The following BPIFA3 variants were observed in gnomAD, a reference collection of about 807,000 sequenced individuals.
BPIFA3 encodes BPI fold-containing family A member 3.
BPIFA3 carries 32 observed loss-of-function variants against 29.7 expected under a neutral mutation model. The observed-to-expected ratio is 1.08, with a 90% CI of 0.81 to 1.45. The LOEUF (loss-of-function observed/expected upper bound fraction) is 1.45, where lower values mean the gene tolerates loss of function less well. Ranked by LOEUF, BPIFA3 falls within the 40% of genes most tolerant of loss-of-function variation. BPIFA3 has a pLI of 0.00. For synonymous variants in BPIFA3, 112 were observed against 113.7 expected (o/e 0.98, Z 0.10); for missense variants, 323 against 311.3 (o/e 1.04, Z -0.28).
intron 4 of BPIFA3, 160 bp from the exon 5 acceptor site, chr20:33,226,246 G>A: frequency 4.8e-6 from 3 of 623,892 alleles, no homozygotes; most frequent in Non-Finnish European, 8.4e-6. Context: ...CCTTGGGCAA[G>A]GTCTGAGCTA....
intron 4 of BPIFA3, chr20:33,226,063 A>G (rs1985765281): frequency 4.6e-6 from 1 of 216,034 alleles, no homozygotes; most frequent in South Asian, 8.6e-5. Context: ...TAATTCCGGA[A>G]TGCTGAAAGC....
intron 6 of BPIFA3, 58 bp downstream of exon 6, chr20:33,227,051 G>A (rs1441825425): frequency 6.5e-7 from 1 of 1,526,986 alleles, no homozygotes; most frequent in South Asian, 1.1e-5. Flanking sequence ...GCTGAAAGAG[G>A]TACCCCCGGC....
In BPIFA3 at chr20:33,217,437, T is replaced by C; in HGVS notation, c.-100T>C. ...TGGGGGCTAATTCTGATGTCATCTT[T>C]CTGCAGAAAACCATTAGACCATCCC... On this transcript the variant is annotated 5_prime_UTR_variant, in exon 1 of 7. Coordinates refer to ENST00000375454, the MANE Select transcript of BPIFA3 (RefSeq NM_178466.5). 1 of 1,439,006 alleles carries C rather than the reference T, an allele frequency of 6.9e-7. No homozygotes were observed. Among genetic ancestry groups the C allele is most frequent in the East Asian group, 2.4e-5 (1 of 41,356 alleles). The allele number at this position is 1,439,006 out of a possible 1,614,324, so 89.1% of individuals were successfully genotyped here.
chr20:33,218,420 G>A (rs987590913), intron 1 of BPIFA3, among the ~76,000 whole-genome samples: 9 of 152,302 alleles, frequency 5.9e-5, no homozygotes, highest in Admixed American at 1.3e-4. Flanking sequence ...CAGCACTGCC[G>A]AGTACTGAGC....
intron 5 of BPIFA3, 133 bp downstream of exon 5, chr20:33,226,623 G>A (rs1032437329): frequency 5.3e-6 from 4 of 749,792 alleles, no homozygotes; most frequent in South Asian, 1.9e-5. Flanking sequence ...TAAAATTTCA[G>A]TTTGGCCATG....
intron 2 of BPIFA3, 118 bp downstream of exon 2, chr20:33,224,079 T>G: frequency 7.6e-7 from 1 of 1,321,418 alleles, no homozygotes; most frequent in South Asian, 1.4e-5. Context: ...GGTAGGAAGA[T>G]TGAAAGAAGA....
intron 1 of BPIFA3, among the ~76,000 whole-genome samples, chr20:33,218,516 G>A (rs1040016126): frequency 6.6e-6 from 1 of 152,192 alleles, no homozygotes; most frequent in South Asian, 2.1e-4. Flanking sequence ...AGTTCTGGAG[G>A]CTGGAAGTCC....
Position 33,227,660 on chromosome 20 carries a change from GTC to G in BPIFA3, c.*46_*47del, listed in dbSNP as rs781194018. 27 of 1,552,814 alleles carry G rather than the reference GTC, an allele frequency of 1.7e-5. No individual in the cohort carries two copies. The highest frequency in any genetic ancestry group is 8.9e-6 in the Non-Finnish European group (10 of 1,125,060). ...GAAAGTCCACATCTTGCAACCTTAAGTCTCCCTTAGAGTGGGGCTTCTGCTAC... is the reference window on the plus strand; with the variant it reads ...GAAAGTCCACATCTTGCAACCTTAAGTCCCTTAGAGTGGGGCTTCTGCTAC... On this transcript the variant is annotated 3_prime_UTR_variant, in exon 7 of 7. Coordinates refer to ENST00000375454, the MANE Select transcript of BPIFA3 (RefSeq NM_178466.5).
intron 5 of BPIFA3, 30 bp downstream of exon 5, chr20:33,226,520 G>A (rs771800583): frequency 2.7e-6 from 4 of 1,460,248 alleles, no homozygotes; most frequent in Non-Finnish European, 3.8e-6. Context: ...TGCATCTTGA[G>A]CATCCTTGAG....
rs1600633081 is a variant in BPIFA3, at chr20:33,227,457, T to C, written c.686-81T>C. On this transcript the variant is annotated intron_variant, in intron 6 of 6. Coordinates refer to ENST00000375454, the MANE Select transcript of BPIFA3 (RefSeq NM_178466.5). ...TCCCGGCACCTGCCTTTGGTCACCATGGATGGATGAGGGTTTCCCTTCGGT... is the reference window on the plus strand; with the variant it reads ...TCCCGGCACCTGCCTTTGGTCACCACGGATGGATGAGGGTTTCCCTTCGGT... The C allele has an allele frequency of 9.1e-6, 11 of 1,203,142 alleles. No individual in the cohort carries two copies. The East Asian group carries it at 2.6e-4, about 28-fold the overall frequency. 74.5% of individuals were successfully genotyped at this position (1,203,142 alleles called of 1,614,324 possible). A position where few individuals can be genotyped will look rare whatever the true frequency, so the allele number is the denominator to read the frequency against.
In BPIFA3 at chr20:33,223,828, A is replaced by G. The variant is rs562818353; in HGVS notation, c.145A>G (p.Ile49Val). ...ATTTCCAGTTATTGCTCAGGGCCTC[A>G]TAAAGCACAACGCAGAAAGCCGAAT... ...TLARIIAQGLIKHNAESRIQN... is the reference protein window; with the variant it reads ...TLARIIAQGLVKHNAESRIQN... Residue 49 changes from isoleucine to valine, a missense_variant, in exon 2 of 7, where the codon ATA becomes GTA. Physicochemically the swap from Ile to Val is conservative, Grantham distance 29. Transcript: ENST00000375454. 6.8e-6 allele frequency: 11 copies of G among 1,613,842 alleles called. No homozygotes were observed. The highest frequency in any genetic ancestry group is 4.0e-5 in the African/African-American group (3 of 74,942).
At chr20:33,224,492 G>C in intron 3 of BPIFA3, 30 bp downstream of exon 3, 2 of 1,536,764 alleles carry the variant, frequency 1.3e-6, no homozygotes, top group African/African-American at 1.4e-5. Flanking sequence ...AATCTGAGAG[G>C]TGCTGGCCCT....
intron 1 of BPIFA3, among the ~76,000 whole-genome samples, chr20:33,218,731 C>A (rs6059163): frequency 0.12 from 17,647 of 152,096 alleles, 3,451 homozygotes; most frequent in African/African-American, 0.4. Flanking sequence ...TTTAAAGGCC[C>A]TATCTCCAAA....
chr20:33,224,284 T>C, intron 2 of BPIFA3, 71 bp from the exon 3 acceptor site: 1 of 1,262,452 alleles, frequency 7.9e-7, no homozygotes, highest in Non-Finnish European at 1.1e-6. Flanking sequence ...ACAGCCTTGT[T>C]TCTCAGCAGG....
In BPIFA3 at chr20:33,223,962, G is replaced by A. The variant is rs1469671809; in HGVS notation, c.278+1G>A. The A allele has an allele frequency of 5.0e-6, 8 of 1,613,688 alleles. No individual in the cohort carries two copies. Among genetic ancestry groups the A allele is most frequent in the Middle Eastern group, 1.7e-4 (1 of 5,882 alleles). ...AACACCAGCAGCAGCAAGAGAGCAG[G>A]TGAGACCCTGAGTTCTATCCGTGGC... On this transcript the variant is annotated splice_donor_variant, in intron 2 of 6. Coordinates refer to ENST00000375454, the MANE Select transcript of BPIFA3 (RefSeq NM_178466.5). LOFTEE classifies it high-confidence loss of function.
In BPIFA3 at chr20:33,217,663, A is replaced by T. The variant is rs1568621244; in HGVS notation, c.127A>T (p.Ile43Phe). The T allele has an allele frequency of 2.5e-6, 4 of 1,612,946 alleles. No homozygotes were observed. The highest frequency in any genetic ancestry group is 3.4e-6 in the Non-Finnish European group (4 of 1,179,598). Residue 43 changes from isoleucine to phenylalanine, a missense_variant and splice_region_variant, in exon 1 of 7, where the codon ATT becomes TTT. Coordinates refer to ENST00000375454, the MANE Select transcript of BPIFA3 (RefSeq NM_178466.5). ...HRDNKSTLAR[I>F]IAQGLIKHNA... ...AGACAACAAATCCACCCTGGCAAGA[A>T]GTAAGCTAAGCCCCGGGCTCTGCCT...
chr20:33,217,813 G>A (rs565461265), intron 1 of BPIFA3, 150 bp downstream of exon 1: 1 of 1,045,240 alleles, frequency 9.6e-7, no homozygotes, highest in Non-Finnish European at 1.3e-6. Flanking sequence ...AGAAAATTGA[G>A]GTTGTGTTGA....
In BPIFA3 at chr20:33,223,812, T is replaced by G; in HGVS notation, c.129T>G (p.Ile43Met). The G allele has an allele frequency of 6.2e-7, 1 of 1,611,636 alleles. No homozygotes were observed. ...TCAGTGGTCCTTGTGCATTTCCAGT[T>G]ATTGCTCAGGGCCTCATAAAGCACA... ...HRDNKSTLARIIAQGLIKHNA... is the reference protein window; with the variant it reads ...HRDNKSTLARMIAQGLIKHNA... The change falls in exon 2 of 7, where the codon ATT (isoleucine) becomes ATG (methionine). Residue 43 changes from isoleucine to methionine, a missense_variant and splice_region_variant. Ile to Met is a conservative substitution (Grantham distance 10, BLOSUM62 1). Coordinates refer to ENST00000375454, the MANE Select transcript of BPIFA3 (RefSeq NM_178466.5).
At position 33,226,534 on chromosome 20, in the gene BPIFA3, G is replaced by A. The variant is rs759009324; in HGVS notation, c.621+44G>A. On this transcript the variant is annotated intron_variant, in intron 5 of 6. Coordinates refer to ENST00000375454, the MANE Select transcript of BPIFA3 (RefSeq NM_178466.5). ...TTGCATCTTGAGCATCCTTGAGTCC[G>A]AGGGTTAGGGCATATATCCACTGGC... The A allele has an allele frequency of 2.4e-5, 32 of 1,317,540 alleles. 1 individual carries two copies. Among genetic ancestry groups the A allele is most frequent in the Middle Eastern group, 1.8e-4 (1 of 5,474 alleles). 81.6% of individuals were successfully genotyped at this position (1,317,540 alleles called of 1,614,324 possible).
Sources: allele counts gnomAD v4.1 joint callset (sites outside exome capture counted in the v4.1 genomes callset), GRCh38; gene constraint gnomAD v4.1.1; transcripts MANE v1.5; gene names NCBI Gene and HGNC (gene_info 2026-07-23, HGNC 2026-07-21).